Variants in EPHX4 observed in about 807,000 individuals in gnomAD.
EPHX4 encodes abhydrolase domain containing 7.
Under a neutral mutation model 44.9 loss-of-function variants are expected in EPHX4, and 31 were observed. The observed-to-expected ratio is 0.69, with a 90% CI of 0.52 to 0.93. EPHX4 has a LOEUF of 0.93. Ranked by LOEUF, EPHX4 falls within the 40% of genes least tolerant of loss-of-function variation. The probability of loss-of-function intolerance (pLI) is 0.00; values close to 1 mark genes in which losing one functional copy is unlikely to be tolerated. For synonymous variants in EPHX4, 151 were observed against 159.7 expected, an observed-to-expected ratio of 0.95 and a Z score of 0.41; for missense variants, 373 against 438.1, an observed-to-expected ratio of 0.85 and a Z score of 1.33.
At chr1:92,045,690 T>G (rs1295037785) in intron 4 of EPHX4, 30 bp downstream of exon 4, 1 of 1,612,406 alleles carries the variant, frequency 6.2e-7, no homozygotes, top group East Asian at 2.2e-5. Context: ...AAAACAGTTC[T>G]GCTAATGTGA....
intron 6 of EPHX4, among the ~76,000 whole-genome samples, chr1:92,057,802 G>T (rs928828862): frequency 6.6e-6 from 1 of 152,150 alleles, no homozygotes; most frequent in African/African-American, 2.4e-5. Context: ...GGTTCACCAT[G>T]TTGGCCAGGC....
chr1:92,030,272 G>A lies in EPHX4; in HGVS notation c.193G>A (p.Asp65Asn). The A allele has an allele frequency of 3.8e-6, 6 of 1,599,758 alleles. No individual in the cohort carries two copies. Among genetic ancestry groups the A allele is most frequent in the Non-Finnish European group, 5.1e-6 (6 of 1,173,736 alleles). Residue 65 changes from aspartate to asparagine, a missense_variant, in exon 1 of 7, where the codon GAC becomes AAC. By Grantham distance (23) the Asp-to-Asn change is conservative. Transcript: ENST00000370383. The stretch of plus-strand genomic sequence containing the variant: ...GGAGCACCCTCCCGCGTGCCTGAGC[G>A]ACCCCTCCTTGGGCACCCACTGCTA... ...AREHPPACLS[D>N]PSLGTHCYVR... is the part of the protein sequence containing the mutation.
chr1:92,061,642 A>G (rs1647501084), intron 6 of EPHX4, among the ~76,000 whole-genome samples: 2 of 152,212 alleles, frequency 1.3e-5, no homozygotes, highest in Admixed American at 6.5e-5. Flanking sequence ...CAAAACCTAA[A>G]TATTCAATTA....
intron 2 of EPHX4, among the ~76,000 whole-genome samples, chr1:92,032,968 G>A (rs1300543686): frequency 1.3e-5 from 2 of 152,050 alleles, no homozygotes; most frequent in African/African-American, 4.8e-5. Flanking sequence ...CCCAGGCTGG[G>A]GCACAGTGGC....
rs1226549039 is a variant in EPHX4, at chr1:92,063,121, A to C, written c.924A>C (p.Ala308=). The C allele has an allele frequency of 6.2e-7, 1 of 1,614,188 alleles. No individual in the cohort carries two copies. The highest frequency in any genetic ancestry group is 2.2e-5 in the East Asian group (1 of 44,874). ...TACTACTGTGGGGAGAGAATGACGCATTCATGGAGGTTGAGATGGCTGAAG... is the reference window on the plus strand; with the variant it reads ...TACTACTGTGGGGAGAGAATGACGCCTTCATGGAGGTTGAGATGGCTGAAG... ...PTLLLWGEND[A]FMEVEMAEVT... Residue 308 remains alanine (A), a synonymous_variant, in exon 7 of 7, where the codon GCA becomes GCC. Coordinates refer to ENST00000370383, the MANE Select transcript of EPHX4 (RefSeq NM_173567.5).
chr1:92,062,412 C>T (rs892433325), intron 6 of EPHX4, among the ~76,000 whole-genome samples: 1 of 151,720 alleles, frequency 6.6e-6, no homozygotes. Context: ...GGTGAAACCG[C>T]ATCTCTACTA....
intron 2 of EPHX4, among the ~76,000 whole-genome samples, chr1:92,034,614 G>A (rs1688410341): frequency 6.7e-6 from 1 of 149,756 alleles, no homozygotes; most frequent in South Asian, 2.1e-4. Context: ...AATGCATCTA[G>A]TGCTGAAAGG....
intron 3 of EPHX4, among the ~76,000 whole-genome samples, chr1:92,044,662 C>T (rs941485796): frequency 2.0e-5 from 3 of 152,144 alleles, no homozygotes; most frequent in Non-Finnish European, 4.4e-5. Context: ...TTTGACTTCA[C>T]AGTTCCAAAT....
chr1:92,032,454 C>T lies in EPHX4; in HGVS notation c.232-51C>T. 3.0e-6 allele frequency: 4 copies of T among 1,349,652 alleles called. No individual in the cohort carries two copies. The African/African-American group carries it at 4.3e-5, about 15-fold the overall frequency. 83.6% of individuals were successfully genotyped at this position (1,349,652 alleles called of 1,614,324 possible). On this transcript the variant is annotated intron_variant, in intron 1 of 6. Coordinates refer to ENST00000370383, the MANE Select transcript of EPHX4 (RefSeq NM_173567.5). ...TGAAATGGAAATGCTAAATATATTG[C>T]TTTGTCAATCAACACAAACATCACT...
intron 6 of EPHX4, among the ~76,000 whole-genome samples, chr1:92,056,572 C>G (rs1647375993): frequency 6.6e-6 from 1 of 151,732 alleles, no homozygotes; most frequent in African/African-American, 2.4e-5. Context: ...TTGAACAACT[C>G]TATTAATATC....
chr1:92,030,289 C>T lies in EPHX4; in HGVS notation c.210C>T (p.Thr70=). Residue 70 remains threonine, a synonymous_variant, in exon 1 of 7, where the codon ACC becomes ACT. Transcript: ENST00000370383. ...PACLSDPSLG[T]HCYVRIKDSG... ...GCCTGAGCGACCCCTCCTTGGGCACCCACTGCTACGTGCGGATCAAGGTGA... is the reference window on the plus strand; with the variant it reads ...GCCTGAGCGACCCCTCCTTGGGCACTCACTGCTACGTGCGGATCAAGGTGA... The T allele has an allele frequency of 1.3e-6, 2 of 1,588,414 alleles. No individual in the cohort carries two copies. Among genetic ancestry groups the T allele is most frequent in the Non-Finnish European group, 1.7e-6 (2 of 1,168,404 alleles).
At chr1:92,041,914 T>C (rs180843867) in intron 2 of EPHX4, among the ~76,000 whole-genome samples, 17 of 152,266 alleles carry the variant, frequency 1.1e-4, no homozygotes, top group South Asian at 2.1e-4. Context: ...CCAGGTGTGG[T>C]GGCACATGCC....
At chr1:92,057,562 C>T (rs1647396524) in intron 6 of EPHX4, among the ~76,000 whole-genome samples, 1 of 151,734 alleles carries the variant, frequency 6.6e-6, no homozygotes, top group Non-Finnish European at 1.5e-5. Context: ...CATACAAATA[C>T]ACACCCATAC....
chr1:92,048,232 G>A (rs527901201), intron 4 of EPHX4, among the ~76,000 whole-genome samples: 1 of 152,238 alleles, frequency 6.6e-6, no homozygotes, highest in African/African-American at 2.4e-5. Context: ...AGGTATAGTG[G>A]GATGGATGCT....
At position 92,030,071 on chromosome 1, in the gene EPHX4, C is replaced by T. The variant is rs751085339; in HGVS notation, c.-9C>T. 39 of 1,574,436 alleles carry T rather than the reference C, an allele frequency of 2.5e-5. No homozygotes were observed. The South Asian group carries it at 4.5e-4, about 18-fold the overall frequency. Reference sequence around the variant, plus strand: ...GAGGAAGGGCAGTGGGCCCCGCCGCCGCCTCCCAATGGCGAGGCTGCGGGA... The same window carrying T: ...GAGGAAGGGCAGTGGGCCCCGCCGCTGCCTCCCAATGGCGAGGCTGCGGGA... On this transcript the variant is annotated 5_prime_UTR_variant, in exon 1 of 7. Coordinates refer to ENST00000370383, the MANE Select transcript of EPHX4 (RefSeq NM_173567.5).
rs1688530992 is a variant in EPHX4 at position 92,042,957 on chromosome 1, T to C, written c.452T>C (p.Ile151Thr). 1.2e-6 allele frequency: 2 copies of C among 1,609,340 alleles called. No individual in the cohort carries two copies. The highest frequency in any genetic ancestry group is 8.5e-7 in the Non-Finnish European group (1 of 1,177,530). The change falls in exon 3 of 7, where the codon ATA becomes ACA. Residue 151 changes from isoleucine to threonine, a missense_variant. Physicochemically the swap from Ile to Thr is moderately conservative, Grantham distance 89. Coordinates refer to ENST00000370383, the MANE Select transcript of EPHX4 (RefSeq NM_173567.5). Reference protein sequence around the residue: ...NYKLDCLITDIKDILDSLGYS... With the variant: ...NYKLDCLITDTKDILDSLGYS... ...AAATTGGATTGTCTAATTACAGATATAAAGGATATTTTAGATTCTTTAGGT... is the reference window on the plus strand; with the variant it reads ...AAATTGGATTGTCTAATTACAGATACAAAGGATATTTTAGATTCTTTAGGT...
chr1:92,031,575 T>C (rs1324169070), intron 1 of EPHX4, among the ~76,000 whole-genome samples: 2 of 152,206 alleles, frequency 1.3e-5, no homozygotes, highest in African/African-American at 4.8e-5. Flanking sequence ...TTATGACTCA[T>C]GTTACCATCT....
chr1:92,041,054 T>TC (rs1331342449), intron 2 of EPHX4, among the ~76,000 whole-genome samples: 1 of 152,130 alleles, frequency 6.6e-6, no homozygotes, highest in Non-Finnish European at 1.5e-5. Flanking sequence ...GTCTTTTTTT[T>TC]CTGTTGGTTA....
At chr1:92,047,807 C>G (rs1339083633) in intron 4 of EPHX4, among the ~76,000 whole-genome samples, 1 of 152,088 alleles carries the variant, frequency 6.6e-6, no homozygotes, top group African/African-American at 2.4e-5. Flanking sequence ...AAATAAATAT[C>G]TTAATATTGC....
Sources: gnomAD v4.1 joint callset for allele counts (sites outside exome capture counted in the v4.1 genomes callset) on GRCh38, gnomAD v4.1.1 for gene constraint, MANE v1.5 for transcripts, NCBI Gene and HGNC (gene_info 2026-07-23, HGNC 2026-07-21) for gene names.